FBXO47: variants seen among roughly 807,000 people sequenced by gnomAD.
The protein encoded by FBXO47 is F-box only protein 47.
A neutral mutation model predicts 53.9 loss-of-function variants in FBXO47; 34 were observed. That is an observed-to-expected ratio of 0.63 (90% CI 0.48 to 0.84). The LOEUF (loss-of-function observed/expected upper bound fraction) is 0.84. Ranked by LOEUF, FBXO47 falls within the 40% of genes least tolerant of loss-of-function variation. The pLI is 0.00. For missense variants in FBXO47, 485 were observed against 541.3 expected (o/e 0.90, Z 1.03); for synonymous variants, 165 against 181.6 (o/e 0.91, Z 0.73).
chr17:38,953,115 A>T (rs996410664), intron 5 of FBXO47, among the ~76,000 whole-genome samples: 1 of 135,358 alleles, frequency 7.4e-6, no homozygotes, highest in African/African-American at 2.8e-5. Context: ...TGTCTCTACT[A>T]AAAAAAAAAC....
Position 38,953,160 on chromosome 17 carries a change from CACACACAA to C in FBXO47, c.508-1479_508-1472del, listed in dbSNP as rs1473775057. On this transcript the variant is annotated intron_variant, in intron 5 of 10. Transcript: ENST00000378079. Reference sequence around the variant, plus strand: ...ACACACACACACACACACACACACACACACACAAAATAGCTAGGTGTGGTGGCAGGCCC... The same window carrying C: ...ACACACACACACACACACACACACACAATAGCTAGGTGTGGTGGCAGGCCC... Among the ~76,000 whole-genome samples the C allele has an allele frequency of 2.2e-3, 325 of 148,076 alleles. 2 individuals are homozygous for C. The highest frequency in any genetic ancestry group is 7.7e-3 in the African/African-American group (306 of 39,670).
At chr17:38,937,436 A>G (rs2143871441) in intron 10 of FBXO47, 146 bp from the exon 11 acceptor site, 1 of 326,378 alleles carries the variant, frequency 3.1e-6, no homozygotes, top group East Asian at 5.1e-5. Context: ...GGCTCACTGC[A>G]ACCTCTGCCT....
In FBXO47 at chr17:38,945,129, G is replaced by A; in HGVS notation, c.624C>T (p.Ala208=). The A allele has an allele frequency of 1.2e-6, 2 of 1,608,060 alleles. No homozygotes were observed. The highest frequency in any genetic ancestry group is 8.5e-7 in the Non-Finnish European group (1 of 1,174,984). ...QMAVCSKPGS[A]QKLELRIRLF... ...GTCTGATTCTTAACTCCAGTTTTTG[G>A]GCACTTCCTATGAAGACAAAAGAAT... is the stretch of plus-strand genomic sequence containing the variant. The change falls in exon 7 of 11, where the codon GCC becomes GCT. Residue 208 remains alanine, a synonymous_variant. Transcript: ENST00000378079.
Position 38,936,998 on chromosome 17 carries a change from T to G in FBXO47, c.*177A>C. The G allele has an allele frequency of 2.5e-6, 1 of 405,402 alleles. No individual in the cohort carries two copies. The highest frequency in any genetic ancestry group is 4.4e-6 in the Non-Finnish European group (1 of 229,842). 25.1% of individuals were successfully genotyped at this position (405,402 alleles called of 1,614,324 possible). A position where few individuals can be genotyped will look rare whatever the true frequency, so the allele number is the denominator to read the frequency against. On this transcript the variant is annotated 3_prime_UTR_variant, in exon 11 of 11. Transcript: ENST00000378079. ...CTCAGCACATTCTTGAGGCTGCCTG[T>G]TATTTTTATATTAATAATGATGTAC...
At chr17:38,944,632 T>G (rs557451501) in intron 7 of FBXO47, among the ~76,000 whole-genome samples, 5 of 148,724 alleles carry the variant, frequency 3.4e-5, no homozygotes, top group Middle Eastern at 3.6e-3. Flanking sequence ...AACCCGGGAA[T>G]TGGAGCTCGC....
At position 38,963,033 on chromosome 17, in the gene FBXO47, CTTG is replaced by C; in HGVS notation, c.-11_-9del. 1 of 1,601,536 alleles carries C rather than the reference CTTG, an allele frequency of 6.2e-7. No homozygotes were observed. The highest frequency in any genetic ancestry group is 8.5e-7 in the Non-Finnish European group (1 of 1,170,860). On this transcript the variant is annotated 5_prime_UTR_variant, in exon 2 of 11. Transcript: ENST00000378079. ...ATTTATTCTGGATGCCATTCTTCTT[CTTG>C]TCTCACAAATTTATCCTGGTCAGAA...
At chr17:38,957,919 C>T (rs1905634463) in intron 3 of FBXO47, among the ~76,000 whole-genome samples, 1 of 151,954 alleles carries the variant, frequency 6.6e-6, no homozygotes, top group African/African-American at 2.4e-5. Flanking sequence ...CTGCAACCTC[C>T]ACCTCCCAGG....
intron 6 of FBXO47, among the ~76,000 whole-genome samples, 191 bp downstream of exon 6, chr17:38,951,390 C>T (rs1359701020): frequency 2.6e-5 from 4 of 151,788 alleles, no homozygotes; most frequent in Admixed American, 1.3e-4. Flanking sequence ...GACAAGGTCT[C>T]GCTATGTTGC....
chr17:38,950,339 C>T (rs1905211474), intron 6 of FBXO47, among the ~76,000 whole-genome samples: 2 of 151,934 alleles, frequency 1.3e-5, no homozygotes, highest in Admixed American at 6.6e-5. Flanking sequence ...CATGTTGCAG[C>T]ATATACCATA....
chr17:38,945,935 C>CAAAAAAAAAAAAAAA (rs34412322), intron 6 of FBXO47, among the ~76,000 whole-genome samples: 30 of 94,570 alleles, frequency 3.2e-4, no homozygotes, highest in African/African-American at 1.4e-3. Context: ...GACTCTGGCT[C>CAAAAAAAAAAAAAAA]AAAAAAAAAA....
intron 3 of FBXO47, among the ~76,000 whole-genome samples, chr17:38,961,407 G>A (rs1295026250): frequency 1.3e-5 from 2 of 152,162 alleles, no homozygotes; most frequent in Non-Finnish European, 2.9e-5. Flanking sequence ...CTTTGATAAG[G>A]TCAGTTTAAT....
intron 6 of FBXO47, 21 bp downstream of exon 6, chr17:38,951,560 A>G: frequency 6.7e-7 from 1 of 1,503,630 alleles, no homozygotes; most frequent in Non-Finnish European, 9.2e-7. Flanking sequence ...TGTATATTAT[A>G]TGCAAATTAT....
chr17:38,938,475 TTC>T, intron 10 of FBXO47, 96 bp downstream of exon 10: 3 of 839,846 alleles, frequency 3.6e-6, no homozygotes, highest in Middle Eastern at 2.5e-4. Flanking sequence ...TTTTTTTTTT[TTC>T]CATTCTTGGA....
Position 38,938,362 on chromosome 17 carries a change from C to T in FBXO47, c.1243+211G>A, listed in dbSNP as rs534626211. On this transcript the variant is annotated intron_variant, in intron 10 of 10. Transcript: ENST00000378079. ...AACCAATACCAGATTTTTAAAGTGA[C>T]GAAAGCCAGGAACTAAATATATTGC... Among the ~76,000 whole-genome samples, 6 of 151,984 alleles carry T rather than the reference C, an allele frequency of 3.9e-5. No individual in the cohort carries two copies. The South Asian group carries it at 1.0e-3, about 26-fold the overall frequency.
intron 3 of FBXO47, among the ~76,000 whole-genome samples, chr17:38,960,016 A>T (rs1036990898): frequency 1.3e-5 from 2 of 151,996 alleles, no homozygotes; most frequent in Non-Finnish European, 2.9e-5. Flanking sequence ...TATGTTACCC[A>T]GGCTGGTCTT....
chr17:38,962,990 A>G lies in FBXO47; in HGVS notation c.36T>C (p.Ile12=). 6.2e-7 allele frequency: 1 copy of G among 1,611,840 alleles called. No individual in the cohort carries two copies. The highest frequency in any genetic ancestry group is 8.5e-7 in the Non-Finnish European group (1 of 1,178,478). The change falls in exon 2 of 11, where the codon ATT becomes ATC. Residue 12 remains isoleucine, a synonymous_variant. Coordinates refer to ENST00000378079, the MANE Select transcript of FBXO47 (RefSeq NM_001008777.3). Reference sequence around the variant, plus strand: ...TACTACGTCTAAGTTTCTGGTTGGGAATCAAAGTGAAATTTGTATTTATTC... The same window carrying G: ...TACTACGTCTAAGTTTCTGGTTGGGGATCAAAGTGAAATTTGTATTTATTC... ...ASRINTNFTL[I]PNQKLRRSNR...
intron 6 of FBXO47, among the ~76,000 whole-genome samples, chr17:38,946,601 TGA>T (rs1904875710): frequency 2.1e-4 from 15 of 70,946 alleles, no homozygotes; most frequent in African/African-American, 3.3e-4. Flanking sequence ...TATAAATATA[TGA>T]ATATATATAA....
intron 6 of FBXO47, among the ~76,000 whole-genome samples, chr17:38,945,344 T>C (rs959051987): frequency 1.3e-5 from 2 of 152,204 alleles, no homozygotes; most frequent in African/African-American, 4.8e-5. Flanking sequence ...TCCTGATTTA[T>C]AGTCAATATT....
In FBXO47 at chr17:38,957,247, A is replaced by C; in HGVS notation, c.359T>G (p.Leu120Arg). The change falls in exon 4 of 11, where the codon CTG (leucine) becomes CGG (arginine). Residue 120 changes from leucine (L) to arginine (R), a missense_variant. Coordinates refer to ENST00000378079, the MANE Select transcript of FBXO47 (RefSeq NM_001008777.3). ...TAGCAGCAATGTGCATCTTTTAAACAGTAGACCTAAGAAAGTAAAGAGACA... is the reference window on the plus strand; with the variant it reads ...TAGCAGCAATGTGCATCTTTTAAACCGTAGACCTAAGAAAGTAAAGAGACA... ...ILEHYRSLGLLFKRCTLLLPT... is the reference protein window; with the variant it reads ...ILEHYRSLGLRFKRCTLLLPT... The C allele has an allele frequency of 6.2e-7, 1 of 1,607,122 alleles. No individual in the cohort carries two copies. Among genetic ancestry groups the C allele is most frequent in the South Asian group, 1.1e-5 (1 of 90,850 alleles).
Sources: gnomAD v4.1 joint callset for allele counts (sites outside exome capture counted in the v4.1 genomes callset) on GRCh38, gnomAD v4.1.1 for gene constraint, MANE v1.5 for transcripts, NCBI Gene and HGNC (gene_info 2026-07-23, HGNC 2026-07-21) for gene names.